The following PLCZ1 variants were observed in gnomAD, a reference collection of about 807,000 sequenced individuals.
PLCZ1 encodes 1-phosphatidylinositol 4,5-bisphosphate phosphodiesterase zeta-1.
PLCZ1 carries 64 observed loss-of-function variants against 76.8 expected under a neutral mutation model. The ratio of observed to expected loss-of-function variants is 0.83; its 90% confidence interval spans 0.68 to 1.03. The LOEUF (loss-of-function observed/expected upper bound fraction) is 1.03, where lower values mean the gene tolerates loss of function less well. Among genes scored for constraint, PLCZ1 ranks in the 50% least tolerant of loss-of-function variants. The pLI is 0.00. For missense variants in PLCZ1, 751 were observed against 713.7 expected (o/e 1.05, Z -0.60); for synonymous variants, 248 against 230.8 (o/e 1.07, Z -0.68).
At chr12:18,728,916 T>C (rs1325404343) in intron 3 of PLCZ1, among the ~76,000 whole-genome samples, 1 of 152,034 alleles carries the variant, frequency 6.6e-6, no homozygotes, top group Non-Finnish European at 1.5e-5. Context: ...AACCATAAAC[T>C]TGAGGTGGAA....
At chr12:18,661,371 A>AG in the PLCZ1 span, among the ~76,000 whole-genome samples, 1 of 107,106 alleles carries the variant, frequency 9.3e-6, no homozygotes, top group African/African-American at 2.8e-5. Context: ...CCAAAAATAA[A>AG]AAAAAAGAGA....
chr12:18,660,415 G>A, the PLCZ1 span, among the ~76,000 whole-genome samples: 1 of 152,158 alleles, frequency 6.6e-6, no homozygotes, highest in Non-Finnish European at 1.5e-5. Context: ...TCCCTCTCCA[G>A]CTGAAGTGAG....
At chr12:18,731,962 CT>C (rs1959071659) in intron 3 of PLCZ1, among the ~76,000 whole-genome samples, 1 of 151,790 alleles carries the variant, frequency 6.6e-6, no homozygotes, top group Non-Finnish European at 1.5e-5. Context: ...GTGAAATAAC[CT>C]ATGTTTTCAG....
intron 7 of PLCZ1, among the ~76,000 whole-genome samples, chr12:18,703,712 C>T (rs1179246911): frequency 1.3e-5 from 2 of 152,132 alleles, no homozygotes; most frequent in Non-Finnish European, 2.9e-5. Flanking sequence ...TCTGTTTTTG[C>T]CTGTATAAAA....
At chr12:18,730,746 T>C (rs561851488) in intron 3 of PLCZ1, among the ~76,000 whole-genome samples, 1 of 152,164 alleles carries the variant, frequency 6.6e-6, no homozygotes, top group African/African-American at 2.4e-5. Flanking sequence ...CAGATATCTC[T>C]GCCCTGAAGA....
chr12:18,689,715 G>A (rs533068309), intron 12 of PLCZ1, among the ~76,000 whole-genome samples: 1 of 152,280 alleles, frequency 6.6e-6, no homozygotes, highest in African/African-American at 2.4e-5. Flanking sequence ...TTAGAAAGCA[G>A]TCCTGTAGCT....
rs754708888 is a variant in PLCZ1, at chr12:18,683,221, G to A, written c.*18C>T. ...TATTGCGATGCATAGCTAATGATATGTCATTTATCATTAGCTGTTATCTGA... is the reference window on the plus strand; with the variant it reads ...TATTGCGATGCATAGCTAATGATATATCATTTATCATTAGCTGTTATCTGA... On this transcript the variant is annotated 3_prime_UTR_variant, in exon 15 of 15. Coordinates refer to ENST00000266505, the MANE Select transcript of PLCZ1 (RefSeq NM_033123.4). 3.1e-6 allele frequency: 5 copies of A among 1,588,878 alleles called. No homozygotes were observed. Among genetic ancestry groups the A allele is most frequent in the Non-Finnish European group, 4.3e-6 (5 of 1,157,592 alleles).
chr12:18,716,636 G>A (rs1003702747), intron 5 of PLCZ1, among the ~76,000 whole-genome samples: 3 of 152,124 alleles, frequency 2.0e-5, no homozygotes, highest in African/African-American at 4.8e-5. Context: ...AAACTTACAG[G>A]TGATAGTCTC....
the PLCZ1 span, among the ~76,000 whole-genome samples, chr12:18,673,271 T>C: frequency 3.0e-4 from 45 of 152,106 alleles, no homozygotes; most frequent in African/African-American, 1.1e-3. Flanking sequence ...CCCACTGTAA[T>C]CCCTACAACA....
At chr12:18,735,758 T>A (rs1592306371) in intron 3 of PLCZ1, 1 of 153,096 alleles carries the variant, frequency 6.5e-6, no homozygotes, top group South Asian at 2.1e-4. Flanking sequence ...TTTTTCTTAC[T>A]CTAAGTATTT....
downstream of PLCZ1, among the ~76,000 whole-genome samples, chr12:18,682,698 G>A (rs118032518): frequency 3.3e-5 from 5 of 151,982 alleles, no homozygotes; most frequent in East Asian, 3.9e-4. Context: ...ATACACACTC[G>A]TAAAAATGGC....
intron 5 of PLCZ1, chr12:18,715,756 C>T (rs1160514429): frequency 6.6e-6 from 1 of 152,192 alleles, no homozygotes; most frequent in Non-Finnish European, 1.5e-5. Context: ...CCCACTTCAG[C>T]CTCAAAACTA....
intron 4 of PLCZ1, among the ~76,000 whole-genome samples, chr12:18,722,228 G>A (rs558297551): frequency 3.3e-5 from 5 of 151,578 alleles, no homozygotes; most frequent in African/African-American, 1.2e-4. Context: ...CTTGCTCTAT[G>A]TTTCCGTATC....
chr12:18,703,001 C>A (rs1956145215), intron 7 of PLCZ1, among the ~76,000 whole-genome samples: 1 of 151,718 alleles, frequency 6.6e-6, no homozygotes, highest in Non-Finnish European at 1.5e-5. Context: ...TGAAAAGCAC[C>A]TCCCTGCTTT....
At chr12:18,736,106 A>G (rs1592307452) in intron 3 of PLCZ1, 115 bp downstream of exon 3, 2 of 1,185,382 alleles carry the variant, frequency 1.7e-6, no homozygotes, top group Non-Finnish European at 2.4e-6. Context: ...TTGTAAATAT[A>G]GTTAGTATAA....
At chr12:18,698,327 A>G (rs1387967452) in intron 10 of PLCZ1, among the ~76,000 whole-genome samples, 1 of 151,712 alleles carries the variant, frequency 6.6e-6, no homozygotes, top group Non-Finnish European at 1.5e-5. Flanking sequence ...ATTCTACTCT[A>G]TACTACTCTA....
chr12:18,664,573 A>G, the PLCZ1 span, among the ~76,000 whole-genome samples: 314 of 152,276 alleles, frequency 2.1e-3, 3 homozygotes, highest in African/African-American at 7.3e-3. Context: ...GTTCAAAATC[A>G]TGGAGACAAT....
At chr12:18,728,715 T>G (rs184345015) in intron 3 of PLCZ1, among the ~76,000 whole-genome samples, 1 of 152,176 alleles carries the variant, frequency 6.6e-6, no homozygotes, top group Non-Finnish European at 1.5e-5. Context: ...CCTAAAAAGA[T>G]TTTCGAGATA....
intron 3 of PLCZ1, among the ~76,000 whole-genome samples, chr12:18,735,492 G>C (rs1323770919): frequency 6.6e-5 from 10 of 152,010 alleles, no homozygotes; most frequent in Admixed American, 6.6e-4. Flanking sequence ...CTCCCACCTT[G>C]GCCTCTCAAA....
Sources: gnomAD v4.1 joint callset for allele counts (sites outside exome capture counted in the v4.1 genomes callset) on GRCh38, gnomAD v4.1.1 for gene constraint, MANE v1.5 for transcripts, NCBI Gene and HGNC (gene_info 2026-07-23, HGNC 2026-07-21) for gene names.